Variants in RASSF4 observed in about 807,000 individuals in gnomAD.
RASSF4 encodes Ras association domain family member 4.
A neutral mutation model predicts 41.1 loss-of-function variants in RASSF4; 38 were observed. The ratio of observed to expected loss-of-function variants is 0.92; its 90% CI spans 0.71 to 1.21. The LOEUF is 1.21. Among genes scored for constraint, RASSF4 ranks in the 50% most tolerant of loss-of-function variants. The pLI is 0.00. For synonymous variants in RASSF4, 179 were observed against 163.4 expected (o/e 1.10, Z -0.73); for missense variants, 414 against 419.4 (o/e 0.99, Z 0.11).
chr10:44,982,429 A>G, intron 3 of RASSF4, 92 bp from the exon 4 acceptor site: 1 of 1,492,982 alleles, frequency 6.7e-7, no homozygotes, highest in African/African-American at 1.4e-5. Flanking sequence ...GGGATGTGCA[A>G]GGCCTGAGTG....
intron 3 of RASSF4, among the ~76,000 whole-genome samples, chr10:44,972,193 T>C (rs954232115): frequency 2.6e-5 from 4 of 152,052 alleles, no homozygotes; most frequent in African/African-American, 9.7e-5. Context: ...CATCACACCA[T>C]TCAGCGGACA....
chr10:44,989,025 G>C (rs188769164), intron 6 of RASSF4, among the ~76,000 whole-genome samples: 2 of 152,202 alleles, frequency 1.3e-5, no homozygotes, highest in Non-Finnish European at 2.9e-5. Context: ...CTGGTTCCTC[G>C]GGTCCAGAGA....
chr10:44,964,784 C>T (rs1209974322), intron 1 of RASSF4, among the ~76,000 whole-genome samples: 1 of 152,214 alleles, frequency 6.6e-6, no homozygotes, highest in Non-Finnish European at 1.5e-5. Context: ...GCGTGTTCCC[C>T]CTTGCAGTTT....
At chr10:44,971,903 T>C in intron 3 of RASSF4, 55 bp downstream of exon 3, 1 of 1,240,788 alleles carries the variant, frequency 8.1e-7, no homozygotes, top group Non-Finnish European at 1.2e-6. Flanking sequence ...AGGCCCTGCC[T>C]GATACCTGTT....
intron 3 of RASSF4, chr10:44,977,900 A>G (rs1405315327): frequency 6.2e-7 from 1 of 1,612,670 alleles, no homozygotes; most frequent in Admixed American, 1.7e-5. Context: ...CAGTCGAGAT[A>G]TAGACCTCAC....
rs539373901 is a variant in RASSF4 at position 44,994,855 on chromosome 10, C to G, written c.*1526C>G. On this transcript the variant is annotated 3_prime_UTR_variant, in exon 11 of 11. Transcript: ENST00000340258. ...AGCCACAACTCGCTGCTCTAGGAGCCGACATGACTCCTTCATTTCTGTGCA... is the reference window on the plus strand; with the variant it reads ...AGCCACAACTCGCTGCTCTAGGAGCGGACATGACTCCTTCATTTCTGTGCA... 6.6e-6 allele frequency: 1 copy of G among 152,004 alleles called. No homozygotes were observed. Among genetic ancestry groups the G allele is most frequent in the Admixed American group, 6.6e-5 (1 of 15,260 alleles). 9.4% of individuals were successfully genotyped at this position (152,004 alleles called of 1,614,324 possible). A position where few individuals can be genotyped will look rare whatever the true frequency, so the allele number is the denominator to read the frequency against.
At chr10:44,989,429 G>A in intron 7 of RASSF4, 54 bp downstream of exon 7, 1 of 1,318,110 alleles carries the variant, frequency 7.6e-7, no homozygotes, top group Non-Finnish European at 1.1e-6. Context: ...CTGCTATTCT[G>A]TTGGGGGTGG....
At chr10:44,980,699 C>T (rs1841672610) in intron 3 of RASSF4, among the ~76,000 whole-genome samples, 1 of 152,210 alleles carries the variant, frequency 6.6e-6, no homozygotes, top group African/African-American at 2.4e-5. Flanking sequence ...CCGAGCCCCT[C>T]GTGGCCAGGG....
chr10:44,975,161 G>A (rs1194776787), intron 3 of RASSF4, among the ~76,000 whole-genome samples: 1 of 152,104 alleles, frequency 6.6e-6, no homozygotes, highest in Non-Finnish European at 1.5e-5. Context: ...CCCGCTCCTC[G>A]GCCCAGGGAC....
intron 3 of RASSF4, chr10:44,977,865 T>C (rs1228601763): frequency 3.7e-6 from 6 of 1,610,860 alleles, no homozygotes; most frequent in Non-Finnish European, 5.1e-6. Flanking sequence ...GCCGTGGCCT[T>C]GTCCAGCACA....
In RASSF4 at chr10:44,989,279, C is replaced by G. The variant is rs149308695; in HGVS notation, c.537C>G (p.Ser179=). Residue 179 remains serine (S), a synonymous_variant, in exon 7 of 11, where the codon TCC becomes TCG. Coordinates refer to ENST00000340258, the MANE Select transcript of RASSF4 (RefSeq NM_032023.4). ...INGHFYNHKT[S]VFTPAYGSVT... ...TCTCTCCCTTCCTGGTACAGACCTC[C>G]GTGTTTACTCCAGCCTATGGATCCG... 3 of 1,610,520 alleles carry G rather than the reference C, an allele frequency of 1.9e-6. No individual in the cohort carries two copies. In the South Asian group the frequency reaches 3.3e-5, roughly 18 times the overall value.
chr10:44,974,669 A>C (rs1053600819), intron 3 of RASSF4, among the ~76,000 whole-genome samples: 2 of 151,774 alleles, frequency 1.3e-5, no homozygotes, highest in Non-Finnish European at 2.9e-5. Context: ...CGGCAGCCTT[A>C]GCAGTACGGT....
In RASSF4 at chr10:44,963,213, G is replaced by A. The variant is rs572707900; in HGVS notation, c.-39+3347G>A. On this transcript the variant is annotated intron_variant, in intron 1 of 10. Coordinates refer to ENST00000340258, the MANE Select transcript of RASSF4 (RefSeq NM_032023.4). Reference sequence around the variant, plus strand: ...TGAGTTGAGCCAGAGGGATGATGGCGGGAGTGGAGAGGAGGGGTCTGGTGA... The same window carrying A: ...TGAGTTGAGCCAGAGGGATGATGGCAGGAGTGGAGAGGAGGGGTCTGGTGA... Among the ~76,000 whole-genome samples, 8 of 152,288 alleles carry A rather than the reference G, an allele frequency of 5.3e-5. No homozygotes were observed. The South Asian group carries it at 8.3e-4, about 16-fold the overall frequency.
intron 1 of RASSF4, among the ~76,000 whole-genome samples, chr10:44,968,488 C>T (rs1458685171): frequency 1.3e-5 from 2 of 152,172 alleles, no homozygotes; most frequent in Non-Finnish European, 2.9e-5. Context: ...ATCCTGAGGT[C>T]ATCAGGAAGC....
At chr10:44,972,670 A>G (rs116690955) in intron 3 of RASSF4, among the ~76,000 whole-genome samples, 12 of 152,126 alleles carry the variant, frequency 7.9e-5, no homozygotes, top group Admixed American at 7.9e-4. Flanking sequence ...TTCATGCGGG[A>G]ATCTTGGTTG....
chr10:44,963,566 C>T (rs568095124), intron 1 of RASSF4, among the ~76,000 whole-genome samples: 5 of 152,338 alleles, frequency 3.3e-5, no homozygotes, highest in East Asian at 1.9e-4. Flanking sequence ...ATGCCGTCAG[C>T]GTGGCCTGCA....
rs78986365 is a variant in RASSF4 at position 44,979,285 on chromosome 10, G to A, written c.139-3236G>A. Among the ~76,000 whole-genome samples, 1,331 of 152,302 alleles carry A rather than the reference G, an allele frequency of 8.7e-3. 6 individuals carry two copies. Among genetic ancestry groups the A allele is most frequent in the Middle Eastern group, 0.014 (4 of 294 alleles). On this transcript the variant is annotated intron_variant, in intron 3 of 10. Coordinates refer to ENST00000340258, the MANE Select transcript of RASSF4 (RefSeq NM_032023.4). ...TCGCAAGGGACCAAGGGCGGTCTGCGGGGTCTGACCCTGGTCTTCTTACAC... is the reference window on the plus strand; with the variant it reads ...TCGCAAGGGACCAAGGGCGGTCTGCAGGGTCTGACCCTGGTCTTCTTACAC...
intron 6 of RASSF4, among the ~76,000 whole-genome samples, chr10:44,986,658 G>A (rs925089400): frequency 6.6e-6 from 1 of 152,196 alleles, no homozygotes; most frequent in African/African-American, 2.4e-5. Flanking sequence ...TATGCAAAAA[G>A]CCCTTTCTTA....
At chr10:44,977,733 C>A in intron 3 of RASSF4, 1 of 1,605,234 alleles carries the variant, frequency 6.2e-7, no homozygotes, top group African/African-American at 1.3e-5. Context: ...TCCACAGTAT[C>A]AGCCATGGGC....
Sources: gnomAD v4.1 joint callset for allele counts (sites outside exome capture counted in the v4.1 genomes callset) on GRCh38, gnomAD v4.1.1 for gene constraint, MANE v1.5 for transcripts, NCBI Gene and HGNC (gene_info 2026-07-23, HGNC 2026-07-21) for gene names.